The following GBE1 variants were observed in gnomAD, a reference collection of about 807,000 sequenced individuals.
GBE1 encodes the protein 1,4-alpha-glucan-branching enzyme.
In GBE1, 70 loss-of-function variants were observed where a neutral mutation model predicts 88.8. The ratio of observed to expected loss-of-function variants is 0.79; its 90% CI spans 0.65 to 0.96. GBE1 has a LOEUF of 0.96. Among genes scored for constraint, GBE1 ranks in the 40% least tolerant of loss-of-function variants. The pLI is 0.00. For missense variants in GBE1, 872 were observed against 871.0 expected, an observed-to-expected ratio of 1.00 and a Z score of -0.01; for synonymous variants, 284 against 300.1, an observed-to-expected ratio of 0.95 and a Z score of 0.56.
intron 14 of GBE1, among the ~76,000 whole-genome samples, chr3:81,508,873 G>A (rs989218915): frequency 6.6e-6 from 1 of 152,062 alleles, no homozygotes; most frequent in Non-Finnish European, 1.5e-5. Flanking sequence ...GTGTGTCTCT[G>A]AGTAAGTTAC....
intron 1 of GBE1, among the ~76,000 whole-genome samples, chr3:81,718,592 T>G (rs1428479934): frequency 6.6e-6 from 1 of 152,172 alleles, no homozygotes; most frequent in Non-Finnish European, 1.5e-5. Flanking sequence ...CATTGGTCCT[T>G]GACCATTCTT....
At chr3:81,580,986 T>C (rs996263623) in intron 11 of GBE1, among the ~76,000 whole-genome samples, 179 bp downstream of exon 11, 3 of 151,990 alleles carry the variant, frequency 2.0e-5, no homozygotes, top group Non-Finnish European at 2.9e-5. Flanking sequence ...TAACATTTTT[T>C]CCAATATACG....
intron 1 of GBE1, among the ~76,000 whole-genome samples, chr3:81,753,611 G>A (rs1706562053): frequency 6.6e-6 from 1 of 152,160 alleles, no homozygotes; most frequent in African/African-American, 2.4e-5. Flanking sequence ...AGGAGGTGGT[G>A]CAGCAGGTGC....
At chr3:81,520,207 T>A (rs1245877517) in intron 14 of GBE1, among the ~76,000 whole-genome samples, 2 of 151,464 alleles carry the variant, frequency 1.3e-5, no homozygotes, top group African/African-American at 2.4e-5. Context: ...AGATACTGTG[T>A]TTTTTTCAAA....
chr3:81,535,328 G>A lies in GBE1; in HGVS notation c.1804-3C>T. The A allele has an allele frequency of 6.3e-7, 1 of 1,596,078 alleles. No individual in the cohort carries two copies. Among genetic ancestry groups the A allele is most frequent in the South Asian group, 1.1e-5 (1 of 87,486 alleles). On this transcript the variant is annotated splice_region_variant and splice_polypyrimidine_tract_variant and intron_variant, in intron 13 of 15. Coordinates refer to ENST00000429644, the MANE Select transcript of GBE1 (RefSeq NM_000158.4). Reference sequence around the variant, plus strand: ...TCATGTTTTTCACTCACGTAGGCCTGCAAGAATTAGCACACATGTTACATT... The same window carrying A: ...TCATGTTTTTCACTCACGTAGGCCTACAAGAATTAGCACACATGTTACATT...
At chr3:81,492,862 T>C (rs559144895) in intron 15 of GBE1, among the ~76,000 whole-genome samples, 1 of 152,022 alleles carries the variant, frequency 6.6e-6, no homozygotes, top group African/African-American at 2.4e-5. Flanking sequence ...CTCAGCCTCC[T>C]GAGTAGCTGG....
intron 12 of GBE1, among the ~76,000 whole-genome samples, chr3:81,556,840 G>A (rs1220659210): frequency 1.3e-5 from 2 of 151,874 alleles, no homozygotes; most frequent in Admixed American, 1.3e-4. Flanking sequence ...TCATACAGTG[G>A]GTGAAGCATG....
intron 10 of GBE1, among the ~76,000 whole-genome samples, chr3:81,581,648 CA>C (rs1703733458): frequency 6.6e-6 from 1 of 151,970 alleles, no homozygotes; most frequent in African/African-American, 2.4e-5. Flanking sequence ...GGTAGAGATA[CA>C]CTTGTTATAT....
At chr3:81,524,803 C>A (rs920283594) in intron 14 of GBE1, among the ~76,000 whole-genome samples, 5 of 151,656 alleles carry the variant, frequency 3.3e-5, no homozygotes, top group African/African-American at 9.7e-5. Flanking sequence ...CTGTTTTGGT[C>A]ACTATAGCTC....
intron 12 of GBE1, among the ~76,000 whole-genome samples, chr3:81,575,063 G>A (rs1020062577): frequency 6.6e-6 from 1 of 151,750 alleles, no homozygotes; most frequent in African/African-American, 2.4e-5. Context: ...TACTTGGGAG[G>A]CTGAGGCAGG....
At chr3:81,576,815 C>T (rs1251187632) in intron 12 of GBE1, among the ~76,000 whole-genome samples, 6 of 151,914 alleles carry the variant, frequency 3.9e-5, no homozygotes, top group African/African-American at 7.3e-5. Context: ...AGGTAGTATA[C>T]GTGAAATCTG....
chr3:81,579,175 G>C (rs1559651058), intron 11 of GBE1, among the ~76,000 whole-genome samples: 1 of 151,786 alleles, frequency 6.6e-6, no homozygotes, highest in Non-Finnish European at 1.5e-5. Context: ...GTGAAATTAA[G>C]TTAAGTTTAC....
chr3:81,532,562 A>G (rs1703023972), intron 14 of GBE1, among the ~76,000 whole-genome samples: 1 of 152,038 alleles, frequency 6.6e-6, no homozygotes, highest in East Asian at 1.9e-4. Flanking sequence ...TAATATCTGT[A>G]CTTCCAATCT....
At chr3:81,739,565 G>A (rs1033510187) in intron 1 of GBE1, among the ~76,000 whole-genome samples, 3 of 152,102 alleles carry the variant, frequency 2.0e-5, no homozygotes, top group African/African-American at 7.2e-5. Flanking sequence ...GTGAGTTAAC[G>A]CCTGTCTCAA....
intron 12 of GBE1, among the ~76,000 whole-genome samples, chr3:81,540,427 T>C (rs1480600677): frequency 6.6e-6 from 1 of 152,032 alleles, no homozygotes; most frequent in Non-Finnish European, 1.5e-5. Flanking sequence ...TGGGTTTAAA[T>C]CACAGCTATG....
At chr3:81,523,520 T>G (rs1245730765) in intron 14 of GBE1, among the ~76,000 whole-genome samples, 1 of 151,668 alleles carries the variant, frequency 6.6e-6, no homozygotes, top group Non-Finnish European at 1.5e-5. Flanking sequence ...TTTAGTTATT[T>G]TAAAATGTAG....
At chr3:81,580,908 T>C (rs2106937921) in intron 11 of GBE1, among the ~76,000 whole-genome samples, 1 of 152,202 alleles carries the variant, frequency 6.6e-6, no homozygotes, top group East Asian at 1.9e-4. Context: ...GTATAATCTA[T>C]TAATTATAGT....
In GBE1 at chr3:81,669,747, C is replaced by G. The variant is rs892971173; in HGVS notation, c.429+1091G>C. Among the ~76,000 whole-genome samples, 5 of 151,960 alleles carry G rather than the reference C, an allele frequency of 3.3e-5. No individual in the cohort carries two copies. In the East Asian group the frequency reaches 9.6e-4, roughly 29 times the overall value. On this transcript the variant is annotated intron_variant, in intron 3 of 15. Transcript: ENST00000429644. ...TATTGTATACTGTCAGTATTTTTCT[C>G]TTTTTCACTATAGATTAAAAGGAAC...
In GBE1 at chr3:81,549,094, G is replaced by C. The variant is rs116667900; in HGVS notation, c.1619-11999C>G. On this transcript the variant is annotated intron_variant, in intron 12 of 15. Coordinates refer to ENST00000429644, the MANE Select transcript of GBE1 (RefSeq NM_000158.4). ...CACCTAGGCTAGAGTGCAGTGGTGT[G>C]ATCTCACTTACTGCAACCTCCGCCT... 1.6e-3 allele frequency among the ~76,000 whole-genome samples: 227 copies of C among 142,696 alleles called. 2 individuals are homozygous for C. The highest frequency in any genetic ancestry group is 5.7e-3 in the African/African-American group (220 of 38,746). 93.6% of individuals were successfully genotyped at this position (142,696 alleles called of 152,430 possible).
Sources: allele counts gnomAD v4.1 joint callset (sites outside exome capture counted in the v4.1 genomes callset), GRCh38; gene constraint gnomAD v4.1.1; transcripts MANE v1.5; gene names NCBI Gene and HGNC (gene_info 2026-07-23, HGNC 2026-07-21).